The following MYH14 variants were observed in gnomAD, a reference collection of about 807,000 sequenced individuals.
The protein encoded by MYH14 is myosin heavy chain 14.
Under a neutral mutation model 255.5 loss-of-function variants are expected in MYH14, and 123 were observed. The observed-to-expected ratio is 0.48, with a 90% CI of 0.42 to 0.56. MYH14 has a LOEUF of 0.56. Among genes scored for constraint, MYH14 ranks in the 20% least tolerant of loss-of-function variants. The probability of loss-of-function intolerance (pLI) is 0.00; values close to 1 mark genes in which losing one functional copy is unlikely to be tolerated. For missense variants in MYH14, 2,423 were observed against 2,802.3 expected, an observed-to-expected ratio of 0.86 and a Z score of 3.06; for synonymous variants, 1,095 against 1,161.2, an observed-to-expected ratio of 0.94 and a Z score of 1.16.
chr19:50,260,856 T>C (rs1466485375), intron 20 of MYH14, 141 bp downstream of exon 20: 5 of 686,980 alleles, frequency 7.3e-6, no homozygotes, highest in Non-Finnish European at 1.3e-5. Context: ...CGTGTGTGTG[T>C]GCATGCATAT....
intron 35 of MYH14, among the ~76,000 whole-genome samples, chr19:50,290,044 C>T (rs1420389074): frequency 5.9e-5 from 9 of 152,118 alleles, no homozygotes; most frequent in Non-Finnish European, 1.3e-4. Flanking sequence ...CCATCTGCCA[C>T]CCCATCTATT....
chr19:50,290,945 C>T lies in MYH14; in HGVS notation c.5024C>T (p.Ala1675Val). ...EERKQRTLAV[A>V]ARKKLEGELE... Reference sequence around the variant, plus strand: ...CGGAAGCAGCGCACTCTGGCCGTGGCTGCCCGCAAGAAGCTGGAGGGAGAG... The same window carrying T: ...CGGAAGCAGCGCACTCTGGCCGTGGTTGCCCGCAAGAAGCTGGAGGGAGAG... Residue 1675 changes from alanine to valine, a missense_variant, in exon 36 of 43, where the codon GCT (alanine) becomes GTT (valine). Physicochemically the swap from Ala to Val is moderately conservative, Grantham distance 64. Coordinates refer to ENST00000642316, the MANE Select transcript of MYH14 (RefSeq NM_001145809.2). The T allele has an allele frequency of 1.3e-6, 2 of 1,596,068 alleles. No homozygotes were observed. The highest frequency in any genetic ancestry group is 1.7e-6 in the Non-Finnish European group (2 of 1,172,028).
At chr19:50,209,796 A>AAAAAAAAG (rs1407553418) in intron 1 of MYH14, among the ~76,000 whole-genome samples, 1 of 147,528 alleles carries the variant, frequency 6.8e-6, no homozygotes, top group African/African-American at 2.5e-5. Flanking sequence ...AAAAAAAAAA[A>AAAAAAAAG]AAAGAAAATA....
In MYH14 at chr19:50,280,527, AC is replaced by A. The variant is rs1379488968; in HGVS notation, c.4290+150del. On this transcript the variant is annotated intron_variant, in intron 32 of 42. Coordinates refer to ENST00000642316, the MANE Select transcript of MYH14 (RefSeq NM_001145809.2). This position sits in a 1 kb window ranked among gnomAD's most constrained non-coding sequence, Gnocchi z 4.8. ...CCTTTCTCATCTCTGACTCCCCCTT[AC>A]CCCCCACAGCCCATGCCCAGCCCTG... 8 of 854,576 alleles carry A rather than the reference AC, an allele frequency of 9.4e-6. No individual in the cohort carries two copies. In the East Asian group the frequency reaches 1.1e-4, roughly 12 times the overall value. The allele number at this position is 854,576 out of a possible 1,614,324, so 52.9% of individuals were successfully genotyped here.
intron 20 of MYH14, 95 bp downstream of exon 20, chr19:50,260,810 CGTGTGTGTGCAAGT>C: frequency 1.1e-6 from 1 of 882,850 alleles, no homozygotes; most frequent in Non-Finnish European, 1.7e-6. Context: ...TGTGTGCATG[CGTGTGTGTGCAAGT>C]GTGTGTGCAT....
chr19:50,273,160 G>A (rs566169951), intron 27 of MYH14, among the ~76,000 whole-genome samples: 12 of 151,810 alleles, frequency 7.9e-5, no homozygotes, highest in Admixed American at 1.3e-4. Context: ...GTGTGGTGGC[G>A]GGCGCCTGTA....
intron 40 of MYH14, among the ~76,000 whole-genome samples, chr19:50,303,007 G>C (rs1244955768): frequency 6.6e-6 from 1 of 152,132 alleles, no homozygotes; most frequent in Non-Finnish European, 1.5e-5. Context: ...GGATGCTTTG[G>C]GCTGCAAGTA....
chr19:50,260,861 GCATA>G (rs1244583336), intron 20 of MYH14, 146 bp downstream of exon 20: 2 of 672,470 alleles, frequency 3.0e-6, no homozygotes, highest in Non-Finnish European at 5.3e-6. Context: ...GTGTGTGCAT[GCATA>G]TGTGTGCATG....
At chr19:50,228,423 C>A (rs1185978753) in intron 8 of MYH14, among the ~76,000 whole-genome samples, 2 of 152,124 alleles carry the variant, frequency 1.3e-5, no homozygotes, top group African/African-American at 2.4e-5. Flanking sequence ...ATCTGATAAG[C>A]TCACGCTCTT....
At chr19:50,287,033 G>T (rs188438415) in intron 34 of MYH14, among the ~76,000 whole-genome samples, 1 of 152,030 alleles carries the variant, frequency 6.6e-6, no homozygotes, top group Non-Finnish European at 1.5e-5. Context: ...CAGGAGAATC[G>T]CTTGAATTCA....
intron 39 of MYH14, among the ~76,000 whole-genome samples, chr19:50,298,389 A>AAC (rs377376324): frequency 9.8e-6 from 1 of 102,554 alleles, no homozygotes. Context: ...CACACACACA[A>AAC]ACACACACAC....
intron 39 of MYH14, among the ~76,000 whole-genome samples, chr19:50,298,792 GAC>G (rs1243237261): frequency 2.0e-5 from 3 of 150,908 alleles, no homozygotes; most frequent in African/African-American, 7.3e-5. Flanking sequence ...TCACAAATAA[GAC>G]AGAAAGATCG....
chr19:50,229,256 G>A (rs1224160847), intron 8 of MYH14, among the ~76,000 whole-genome samples: 1 of 152,150 alleles, frequency 6.6e-6, no homozygotes, highest in Non-Finnish European at 1.5e-5. Flanking sequence ...AGCTGATCTT[G>A]GTCCAAATAT....
intron 34 of MYH14, among the ~76,000 whole-genome samples, chr19:50,287,666 G>T (rs575665105): frequency 1.3e-4 from 20 of 152,242 alleles, no homozygotes; most frequent in African/African-American, 4.8e-4. Context: ...TCCCACTTCA[G>T]CCTCCCTAAG....
At chr19:50,243,366 G>A (rs914040536) in intron 10 of MYH14, among the ~76,000 whole-genome samples, 3 of 152,090 alleles carry the variant, frequency 2.0e-5, no homozygotes, top group African/African-American at 7.2e-5. Flanking sequence ...AAGTTGGGAG[G>A]TGGAGGTTGC....
At chr19:50,254,317 T>A (rs1159639371) in intron 16 of MYH14, among the ~76,000 whole-genome samples, 3 of 152,196 alleles carry the variant, frequency 2.0e-5, no homozygotes, top group Admixed American at 6.5e-5. Flanking sequence ...GGTCTTGATC[T>A]TGTGAGCTCA....
chr19:50,251,559 C>T (rs1257033885), intron 15 of MYH14, among the ~76,000 whole-genome samples: 83 of 102,948 alleles, frequency 8.1e-4, no homozygotes, highest in African/African-American at 2.8e-3. Flanking sequence ...CACACACACA[C>T]ACACACACAC....
intron 36 of MYH14, 27 bp from the exon 37 acceptor site, chr19:50,292,223 GCCAGGCTGAGC>G (rs2036100065): frequency 6.4e-7 from 1 of 1,558,008 alleles, no homozygotes; most frequent in Admixed American, 1.9e-5. Context: ...GTGCTGTGTG[GCCAGGCTGAGC>G]CCATCTACCT....
chr19:50,238,507 G>A (rs543390581), intron 10 of MYH14, among the ~76,000 whole-genome samples: 13 of 152,076 alleles, frequency 8.5e-5, no homozygotes, highest in South Asian at 2.1e-4. Flanking sequence ...AGCAGAGTGC[G>A]GTGGTGTGAT....
Sources: gnomAD v4.1 joint callset for allele counts (sites outside exome capture counted in the v4.1 genomes callset) on GRCh38, gnomAD v4.1.1 for gene constraint, Gnocchi (gnomAD v3.1) non-coding constraint, MANE v1.5 for transcripts, NCBI Gene and HGNC (gene_info 2026-07-23, HGNC 2026-07-21) for gene names.